The following SHISA9 variants were observed in gnomAD, a reference collection of about 807,000 sequenced individuals.
SHISA9 encodes protein shisa-9.
SHISA9 carries 13 observed loss-of-function variants against 38.0 expected under a neutral mutation model. The ratio of observed to expected loss-of-function variants is 0.34; its 90% CI spans 0.22 to 0.54. The LOEUF (loss-of-function observed/expected upper bound fraction) is 0.54. SHISA9 is among the 20% of genes least tolerant of loss of function. SHISA9 has a pLI of 0.91. For synonymous variants in SHISA9, 275 were observed against 242.0 expected (o/e 1.14, Z -1.27); for missense variants, 538 against 575.8 (o/e 0.93, Z 0.67).
At chr16:12,951,229 A>C (rs2071752395) in intron 2 of SHISA9, among the ~76,000 whole-genome samples, 1 of 142,792 alleles carries the variant, frequency 7.0e-6, no homozygotes, top group African/African-American at 2.5e-5. Context: ...TCCAAAAAAA[A>C]AAAAAAAAAA....
At chr16:13,161,820 G>A (rs538229563) in intron 2 of SHISA9, among the ~76,000 whole-genome samples, 3 of 151,860 alleles carry the variant, frequency 2.0e-5, no homozygotes, top group Admixed American at 6.6e-5. Context: ...TTCCTCTATC[G>A]GTGCTAGAAA....
chr16:12,962,700 A>G (rs867656990), intron 2 of SHISA9, among the ~76,000 whole-genome samples: 1 of 152,238 alleles, frequency 6.6e-6, no homozygotes, highest in African/African-American at 2.4e-5. Flanking sequence ...GAATTGTGAG[A>G]AATAAATGTC....
the SHISA9 span, among the ~76,000 whole-genome samples, chr16:13,549,098 T>A: frequency 6.6e-6 from 1 of 152,164 alleles, no homozygotes; most frequent in African/African-American, 2.4e-5. Flanking sequence ...TTATGTTAAG[T>A]GAAATAAGCC....
chr16:12,977,409 A>T (rs1177673289), intron 2 of SHISA9, among the ~76,000 whole-genome samples: 1 of 152,166 alleles, frequency 6.6e-6, no homozygotes, highest in Non-Finnish European at 1.5e-5. Flanking sequence ...ACAGTGTGGC[A>T]ATTCCTCAAA....
At chr16:13,351,867 C>T in the SHISA9 span, among the ~76,000 whole-genome samples, 7 of 152,250 alleles carry the variant, frequency 4.6e-5, no homozygotes, top group African/African-American at 9.6e-5. Flanking sequence ...AGATCAAACA[C>T]GGGGAACTGT....
the SHISA9 span, among the ~76,000 whole-genome samples, chr16:13,530,418 T>G: frequency 2.6e-5 from 4 of 152,216 alleles, no homozygotes; most frequent in African/African-American, 9.7e-5. Context: ...TGATTATAAC[T>G]TCTGTTTTAT....
chr16:13,527,549 A>G, the SHISA9 span, among the ~76,000 whole-genome samples: 1 of 152,248 alleles, frequency 6.6e-6, no homozygotes, highest in Non-Finnish European at 1.5e-5. Flanking sequence ...TAGTGGCGTC[A>G]GCAGTCAGTA....
At chr16:13,487,824 A>G in the SHISA9 span, among the ~76,000 whole-genome samples, 10 of 152,188 alleles carry the variant, frequency 6.6e-5, no homozygotes, top group African/African-American at 2.4e-4. Context: ...TTGAATCTGC[A>G]ACATGTAACC....
At chr16:13,358,657 T>C in the SHISA9 span, among the ~76,000 whole-genome samples, 12 of 152,306 alleles carry the variant, frequency 7.9e-5, no homozygotes, top group Admixed American at 7.8e-4. Flanking sequence ...AGCATAATTG[T>C]AAGTGCTTCA....
intron 2 of SHISA9, among the ~76,000 whole-genome samples, chr16:13,086,408 C>T (rs2073711478): frequency 6.9e-6 from 1 of 145,160 alleles, no homozygotes; most frequent in African/African-American, 2.6e-5. Context: ...ATTAAATAGT[C>T]AATTTCAGAG....
At chr16:13,171,184 A>T (rs924021682) in intron 2 of SHISA9, among the ~76,000 whole-genome samples, 11 of 151,884 alleles carry the variant, frequency 7.2e-5, no homozygotes, top group Admixed American at 7.2e-4. Context: ...TAACAACCAG[A>T]TCTCTTGTGA....
intron 2 of SHISA9, among the ~76,000 whole-genome samples, chr16:12,982,586 A>G (rs1350091603): frequency 6.6e-6 from 1 of 152,208 alleles, no homozygotes; most frequent in Non-Finnish European, 1.5e-5. Flanking sequence ...GTACTTTTGT[A>G]TGATAGGTCA....
intron 2 of SHISA9, among the ~76,000 whole-genome samples, chr16:12,935,638 A>C (rs895299994): frequency 6.6e-6 from 1 of 152,024 alleles, no homozygotes. Flanking sequence ...ACTTGAGCTC[A>C]GGGGTTCAAG....
chr16:13,427,266 A>G, the SHISA9 span, among the ~76,000 whole-genome samples: 1 of 152,226 alleles, frequency 6.6e-6, no homozygotes, highest in Non-Finnish European at 1.5e-5. Context: ...GGCAAATGTC[A>G]TCCTTATCCT....
At chr16:13,324,374 T>TA in the SHISA9 span, among the ~76,000 whole-genome samples, 2 of 152,098 alleles carry the variant, frequency 1.3e-5, no homozygotes, top group African/African-American at 2.4e-5. Flanking sequence ...GGTAAATAGT[T>TA]ACCTCCAGGA....
At chr16:13,013,056 A>G (rs998451402) in intron 2 of SHISA9, among the ~76,000 whole-genome samples, 9 of 152,236 alleles carry the variant, frequency 5.9e-5, no homozygotes, top group South Asian at 2.1e-4. Flanking sequence ...TTCTGAAGCT[A>G]TTATTGATTA....
the SHISA9 span, among the ~76,000 whole-genome samples, chr16:13,396,035 G>A: frequency 3.4e-4 from 52 of 152,214 alleles, no homozygotes; most frequent in Non-Finnish European, 5.7e-4. Flanking sequence ...ATTCTAAGTC[G>A]TATGACTCAT....
At chr16:13,309,230 A>G in the SHISA9 span, among the ~76,000 whole-genome samples, 2 of 152,154 alleles carry the variant, frequency 1.3e-5, no homozygotes, top group East Asian at 1.9e-4. Context: ...AGGAAGAATA[A>G]CTAATGGATG....
At chr16:13,024,768 A>G (rs1372994061) in intron 2 of SHISA9, among the ~76,000 whole-genome samples, 1 of 152,170 alleles carries the variant, frequency 6.6e-6, no homozygotes. Context: ...GGCACTTTGA[A>G]CAATGCCTGC....
Sources: gnomAD v4.1 joint callset for allele counts (sites outside exome capture counted in the v4.1 genomes callset) on GRCh38, gnomAD v4.1.1 for gene constraint, MANE v1.5 for transcripts, NCBI Gene and HGNC (gene_info 2026-07-23, HGNC 2026-07-21) for gene names.